Variants in CCDC144A observed in about 807,000 individuals in gnomAD.
CCDC144A encodes coiled-coil domain containing 144A.
In CCDC144A, 41 loss-of-function variants were observed where a neutral mutation model predicts 143.8. The ratio of observed to expected loss-of-function variants is 0.29; its 90% confidence interval spans 0.22 to 0.37. CCDC144A has a LOEUF of 0.37. Among genes scored for constraint, CCDC144A ranks in the 10% least tolerant of loss-of-function variants. The probability of loss-of-function intolerance (pLI) is 1.00; values close to 1 mark genes in which losing one functional copy is unlikely to be tolerated. For synonymous variants in CCDC144A, 242 were observed against 517.9 expected (o/e 0.47, Z 7.23); for missense variants, 637 against 1,488.8 (o/e 0.43, Z 9.41).
intron 8 of CCDC144A, among the ~76,000 whole-genome samples, chr17:16,726,368 G>GA (rs1279222044): frequency 1.4e-5 from 2 of 141,888 alleles, no homozygotes; most frequent in East Asian, 4.1e-4. Flanking sequence ...GCGACACAGC[G>GA]AGACTCCGTC....
the CCDC144A span, among the ~76,000 whole-genome samples, chr17:16,682,031 T>A: frequency 5.1e-4 from 77 of 152,122 alleles, no homozygotes; most frequent in African/African-American, 1.8e-3. Flanking sequence ...TTATAATAGT[T>A]CTCATTATTT....
the CCDC144A span, among the ~76,000 whole-genome samples, chr17:16,676,695 A>G: frequency 6.6e-6 from 1 of 151,958 alleles, no homozygotes; most frequent in Non-Finnish European, 1.5e-5. Flanking sequence ...TTGTTTTTTT[A>G]AAAACACTCT....
chr17:16,764,661 T>C (rs1465000408), intron 15 of CCDC144A: 6 of 181,880 alleles, frequency 3.3e-5, no homozygotes, highest in African/African-American at 1.4e-4. Context: ...TGAATACTTT[T>C]ATATGTTATA....
In CCDC144A at chr17:16,756,304, T is replaced by C. The variant is rs555462043; in HGVS notation, c.3373-5121T>C. Among the ~76,000 whole-genome samples, 6 of 152,296 alleles carry C rather than the reference T, an allele frequency of 3.9e-5. No homozygotes were observed. In the South Asian group the frequency reaches 1.2e-3, roughly 32 times the overall value. On this transcript the variant is annotated intron_variant, in intron 12 of 16. Coordinates refer to ENST00000399273, the MANE Select transcript of CCDC144A (RefSeq NM_001382000.1). The stretch of plus-strand genomic sequence containing the variant: ...CACTGTCTTCATTCTTTTTATTTTA[T>C]TTTTTTTATTTTTGCTTTTTGTTTG...
intron 16 of CCDC144A, among the ~76,000 whole-genome samples, chr17:16,773,043 C>G (rs1231914511): frequency 6.6e-6 from 1 of 152,134 alleles, no homozygotes; most frequent in African/African-American, 2.4e-5. Flanking sequence ...AGATTCTTAT[C>G]TAATAATAAG....
intron 9 of CCDC144A, among the ~76,000 whole-genome samples, chr17:16,729,964 A>G (rs1913645216): frequency 2.7e-5 from 1 of 36,864 alleles, no homozygotes; most frequent in South Asian, 1.0e-3. Flanking sequence ...AGGTAGTTTC[A>G]TATATATATA....
chr17:16,683,037 G>A, the CCDC144A span, among the ~76,000 whole-genome samples: 3 of 151,400 alleles, frequency 2.0e-5, no homozygotes, highest in Non-Finnish European at 2.9e-5. Flanking sequence ...ACTCACAGAA[G>A]CAGAGAGTAG....
Position 16,728,826 on chromosome 17 carries a change from G to A in CCDC144A, c.2105+1086G>A, listed in dbSNP as rs569118630. 5.3e-5 allele frequency among the ~76,000 whole-genome samples: 8 copies of A among 152,234 alleles called. No homozygotes were observed. In the East Asian group the frequency reaches 7.7e-4, roughly 15 times the overall value. On this transcript the variant is annotated intron_variant, in intron 9 of 16. Coordinates refer to ENST00000399273, the MANE Select transcript of CCDC144A (RefSeq NM_001382000.1). Reference sequence around the variant, plus strand: ...TATAGCTTAACTCCCTATTATGAGCGAGAATGTGGTTTTATTTGGCTTTCC... The same window carrying A: ...TATAGCTTAACTCCCTATTATGAGCAAGAATGTGGTTTTATTTGGCTTTCC...
chr17:16,705,498 C>T, intron 3 of CCDC144A, 99 bp downstream of exon 3: 1 of 685,048 alleles, frequency 1.5e-6, no homozygotes, highest in South Asian at 1.9e-5. Context: ...GTAAAATGTG[C>T]TTTGTGTTTA....
chr17:16,707,123 G>A (rs980265420), intron 3 of CCDC144A: 6 of 224,202 alleles, frequency 2.7e-5, no homozygotes, highest in Non-Finnish European at 5.2e-5. Flanking sequence ...GTGGAGAACA[G>A]TATGCAGCAT....
At chr17:16,743,262 GTA>G (rs1442826163) in intron 12 of CCDC144A, among the ~76,000 whole-genome samples, 1 of 151,554 alleles carries the variant, frequency 6.6e-6, no homozygotes, top group Non-Finnish European at 1.5e-5. Flanking sequence ...GTTGATTTTT[GTA>G]TATGGTGAAA....
upstream of CCDC144A, among the ~76,000 whole-genome samples, chr17:16,688,445 A>C (rs540475488): frequency 1.1e-4 from 17 of 151,592 alleles, no homozygotes; most frequent in African/African-American, 4.1e-4. Flanking sequence ...GAATTATGCC[A>C]AGATTGAGGA....
At chr17:16,682,359 G>A in the CCDC144A span, among the ~76,000 whole-genome samples, 1 of 151,962 alleles carries the variant, frequency 6.6e-6, no homozygotes, top group African/African-American at 2.4e-5. Context: ...AAACAGATAG[G>A]GGAAGAGCAA....
intron 12 of CCDC144A, among the ~76,000 whole-genome samples, chr17:16,743,825 C>T (rs1914369374): frequency 6.6e-6 from 1 of 152,168 alleles, no homozygotes; most frequent in Admixed American, 6.5e-5. Context: ...ATTTTTCAAC[C>T]ATTGTCCAAC....
rs1309918534 is a variant in CCDC144A at position 16,777,255 on chromosome 17, A to G, written c.*3622A>G. 9 of 147,658 alleles carry G rather than the reference A, an allele frequency of 6.1e-5. No homozygotes were observed. The highest frequency in any genetic ancestry group is 1.0e-4 in the African/African-American group (4 of 39,282). 9.1% of individuals were successfully genotyped at this position (147,658 alleles called of 1,614,324 possible). A position where few individuals can be genotyped will look rare whatever the true frequency, so the allele number is the denominator to read the frequency against. On this transcript the variant is annotated 3_prime_UTR_variant, in exon 17 of 17. Transcript: ENST00000399273. Reference sequence around the variant, plus strand: ...AAGAAATGAGGTAGTTGGCAACACAATAATAGTGGGGGATGTTAATACTCC... The same window carrying G: ...AAGAAATGAGGTAGTTGGCAACACAGTAATAGTGGGGGATGTTAATACTCC...
intron 5 of CCDC144A, among the ~76,000 whole-genome samples, chr17:16,711,145 A>AAAAAAAAAAAC (rs1912399233): frequency 1.5e-5 from 2 of 133,456 alleles, no homozygotes; most frequent in Admixed American, 7.9e-5. Context: ...TGAAAAAAAA[A>AAAAAAAAAAAC]AAAAAAAAAA....
chr17:16,681,695 C>A, the CCDC144A span, among the ~76,000 whole-genome samples: 1 of 151,894 alleles, frequency 6.6e-6, no homozygotes, highest in African/African-American at 2.4e-5. Context: ...CCCGTCTCTA[C>A]TAAAAATACA....
Position 16,775,937 on chromosome 17 carries a change from C to T in CCDC144A, c.*2304C>T, listed in dbSNP as rs1385700336. On this transcript the variant is annotated 3_prime_UTR_variant, in exon 17 of 17. Transcript: ENST00000399273. ...TTGCTGCATATGGCTAGCCAGTTCTCCCAGCACCATTTATTAAATAGGGAA... is the reference window on the plus strand; with the variant it reads ...TTGCTGCATATGGCTAGCCAGTTCTTCCAGCACCATTTATTAAATAGGGAA... 1 of 152,224 alleles carries T rather than the reference C, an allele frequency of 6.6e-6. No individual in the cohort carries two copies. Among genetic ancestry groups the T allele is most frequent in the African/African-American group, 2.4e-5 (1 of 41,446 alleles). 9.4% of individuals were successfully genotyped at this position (152,224 alleles called of 1,614,324 possible).
chr17:16,705,487 G>A (rs1911997855), intron 3 of CCDC144A, 88 bp downstream of exon 3: 2 of 633,580 alleles, frequency 3.2e-6, no homozygotes, highest in African/African-American at 1.9e-5. Flanking sequence ...AACTTTTTCT[G>A]GTAAAATGTG....
Sources: allele counts gnomAD v4.1 joint callset (sites outside exome capture counted in the v4.1 genomes callset), GRCh38; gene constraint gnomAD v4.1.1; transcripts MANE v1.5; gene names NCBI Gene and HGNC (gene_info 2026-07-23, HGNC 2026-07-21).